NQO2: variants seen among roughly 807,000 people sequenced by gnomAD.
NQO2 encodes the protein N-ribosyldihydronicotinamide:quinone dehydrogenase 2.
A neutral mutation model predicts 22.0 loss-of-function variants in NQO2; 18 were observed. That is an observed-to-expected ratio of 0.82 (90% CI 0.56 to 1.21). NQO2 has a LOEUF of 1.21. Ranked by LOEUF, NQO2 falls within the 50% of genes most tolerant of loss-of-function variation. The pLI is 0.00. For synonymous variants in NQO2, 106 were observed against 110.8 expected, an observed-to-expected ratio of 0.96 and a Z score of 0.28; for missense variants, 267 against 286.9, an observed-to-expected ratio of 0.93 and a Z score of 0.50.
At chr6:3,001,244 T>C (rs554207830) in intron 1 of NQO2, among the ~76,000 whole-genome samples, 160 of 152,078 alleles carry the variant, frequency 1.1e-3, no homozygotes, top group African/African-American at 3.8e-3. Context: ...TGCGTGCCAC[T>C]ACACCCAGCT....
intron 3 of NQO2, 58 bp from the exon 4 acceptor site, chr6:3,012,486 T>C: frequency 6.4e-7 from 1 of 1,556,616 alleles, no homozygotes; most frequent in East Asian, 2.3e-5. Flanking sequence ...CTGGGATGGT[T>C]GGGATGGGCT....
intron 2 of NQO2, among the ~76,000 whole-genome samples, chr6:3,008,141 G>T (rs891116721): frequency 1.2e-4 from 19 of 152,250 alleles, no homozygotes; most frequent in Non-Finnish European, 2.5e-4. Context: ...TCTGGGGCCA[G>T]GTGCTGTGGC....
chr6:3,013,797 C>T (rs1176549286), intron 4 of NQO2, among the ~76,000 whole-genome samples: 1 of 152,178 alleles, frequency 6.6e-6, no homozygotes, highest in Non-Finnish European at 1.5e-5. Flanking sequence ...TGTTGGGTGA[C>T]AGAAATTCCT....
chr6:3,008,442 G>A (rs1757024259), intron 2 of NQO2, among the ~76,000 whole-genome samples: 1 of 151,318 alleles, frequency 6.6e-6, no homozygotes, highest in African/African-American at 2.4e-5. Context: ...AAGAAAAAAG[G>A]AAAGAAAAGA....
intron 3 of NQO2, among the ~76,000 whole-genome samples, chr6:3,012,169 G>T (rs1440552969): frequency 6.6e-6 from 1 of 152,222 alleles, no homozygotes; most frequent in Non-Finnish European, 1.5e-5. Context: ...ACTCAAAAAT[G>T]TGGAGGTGAG....
At chr6:3,003,321 A>C (rs1269564575) in intron 1 of NQO2, among the ~76,000 whole-genome samples, 1 of 151,288 alleles carries the variant, frequency 6.6e-6, no homozygotes, top group African/African-American at 2.5e-5. Flanking sequence ...GGCTTTGAGG[A>C]GTGACCCCCA....
rs1420842156 is a variant in NQO2, at chr6:3,003,780, A to G, written c.-85-2688A>G. 3.1e-6 allele frequency: 3 copies of G among 954,274 alleles called. No homozygotes were observed. The African/African-American group carries it at 5.8e-5, about 18-fold the overall frequency. 59.1% of individuals were successfully genotyped at this position (954,274 alleles called of 1,614,324 possible). On this transcript the variant is annotated intron_variant, in intron 1 of 6. Coordinates refer to ENST00000380455, the MANE Select transcript of NQO2 (RefSeq NM_000904.6). Reference sequence around the variant, plus strand: ...TCTCCGGTGCTGTGATGTACCTTAAACACAGCAAGGTACTTGGACACAAAG... The same window carrying G: ...TCTCCGGTGCTGTGATGTACCTTAAGCACAGCAAGGTACTTGGACACAAAG...
intron 1 of NQO2, chr6:3,004,262 C>T (rs969187277): frequency 2.2e-5 from 19 of 858,278 alleles, no homozygotes; most frequent in African/African-American, 5.6e-5. Flanking sequence ...AATTCAGGGT[C>T]TGTCCTTGGG....
intron 6 of NQO2, among the ~76,000 whole-genome samples, chr6:3,017,813 G>A (rs539093273): frequency 4.9e-4 from 75 of 152,260 alleles, no homozygotes; most frequent in African/African-American, 1.7e-3. Context: ...GGGAGAGCTC[G>A]TTCTTGAGGG....
chr6:3,012,099 T>G lies in NQO2; in HGVS notation c.173-445T>G, dbSNP rs147409565. ...CAAATCTATCAAAAACAATAATCAC[T>G]ACGTGACCTGTTAAGAGCCAAAGAT... On this transcript the variant is annotated intron_variant, in intron 3 of 6. Transcript: ENST00000380455. 2.6e-5 allele frequency among the ~76,000 whole-genome samples: 4 copies of G among 152,310 alleles called. No homozygotes were observed. The South Asian group carries it at 8.3e-4, about 32-fold the overall frequency.
chr6:3,015,579 A>T lies in NQO2; in HGVS notation c.353A>T (p.Asp118Val). 6.2e-7 allele frequency: 1 copy of T among 1,614,118 alleles called. No individual in the cohort carries two copies. Among genetic ancestry groups the T allele is most frequent in the South Asian group, 1.1e-5 (1 of 91,090 alleles). The change falls in exon 5 of 7, where the codon GAT (aspartate) becomes GTT (valine). Residue 118 changes from aspartate (D) to valine (V), a missense_variant. By Grantham distance (152) the Asp-to-Val change is radical (BLOSUM62 -3). Transcript: ENST00000380455. ...CCAGCCATCCTGAAGGGCTGGATGG[A>T]TAGGGTGCTGTGCCAGGGCTTTGCC... is the stretch of plus-strand genomic sequence containing the variant. The part of the protein sequence containing the change: ...SVPAILKGWM[D>V]RVLCQGFAFD...
chr6:3,014,363 C>T (rs1757253946), intron 4 of NQO2, among the ~76,000 whole-genome samples: 1 of 152,162 alleles, frequency 6.6e-6, no homozygotes, highest in Admixed American at 6.5e-5. Flanking sequence ...GCCTAGGTGA[C>T]CATGTGGTTT....
At chr6:3,015,070 A>G (rs760153009) in intron 4 of NQO2, 15 of 1,288,300 alleles carry the variant, frequency 1.2e-5, no homozygotes, top group Non-Finnish European at 1.5e-5. Flanking sequence ...GCGCTGGTCT[A>G]AGGAATACAA....
intron 3 of NQO2, among the ~76,000 whole-genome samples, chr6:3,010,941 G>A (rs9378353): frequency 0.77 from 116,632 of 151,290 alleles, 45,512 homozygotes; most frequent in African/African-American, 0.9. Context: ...GCAGGTGGTG[G>A]CTTAGTAGAG....
intron 6 of NQO2, among the ~76,000 whole-genome samples, chr6:3,017,346 G>C (rs1885298): frequency 2.0e-5 from 3 of 152,040 alleles, no homozygotes; most frequent in Non-Finnish European, 4.4e-5. Flanking sequence ...TGATACGTGC[G>C]GGTGGAGGCC....
At chr6:3,019,247 T>C (rs543887000) in intron 6 of NQO2, 2 of 491,544 alleles carry the variant, frequency 4.1e-6, no homozygotes, top group African/African-American at 4.2e-5. Context: ...TAATTGCAGT[T>C]ATAAAAATAG....
Position 3,019,534 on chromosome 6 carries a change from C to A in NQO2, c.575C>A (p.Ala192Asp). The A allele has an allele frequency of 6.2e-7, 1 of 1,614,198 alleles. No homozygotes were observed. Among genetic ancestry groups the A allele is most frequent in the Admixed American group, 1.7e-5 (1 of 60,012 alleles). Reference sequence around the variant, plus strand: ...GTCCTTGCCCCTCAGATCAGCTTTGCTCCTGAAATTGCATCCGAAGAAGAA... The same window carrying A: ...GTCCTTGCCCCTCAGATCAGCTTTGATCCTGAAATTGCATCCGAAGAAGAA... ...FKVLAPQISF[A>D]PEIASEEERK... The change falls in exon 7 of 7, where the codon GCT (alanine) becomes GAT (aspartate). Residue 192 changes from alanine (A) to aspartate (D), a missense_variant. By Grantham distance (126) the Ala-to-Asp change is moderately radical (BLOSUM62 -2). Transcript: ENST00000380455.
At position 3,016,895 on chromosome 6, in the gene NQO2, G is replaced by A. The variant is rs1418069780; in HGVS notation, c.429G>A (p.Ala143=). The change falls in exon 6 of 7, where the codon GCG becomes GCA. Residue 143 remains alanine, a synonymous_variant. Transcript: ENST00000380455. The stretch of plus-strand genomic sequence containing the variant: ...TTTCTCCCTTGCAGGGTAAACTAGC[G>A]CTCCTTTCCGTAACCACGGGAGGCA... The part of the protein sequence containing the change: ...YDSGLLQGKL[A]LLSVTTGGTA... 55 of 1,613,658 alleles carry A rather than the reference G, an allele frequency of 3.4e-5. No homozygotes were observed. The highest frequency in any genetic ancestry group is 4.3e-5 in the Non-Finnish European group (51 of 1,180,026).
intron 1 of NQO2, chr6:3,004,651 G>T: frequency 1.0e-6 from 1 of 985,472 alleles, no homozygotes; most frequent in Non-Finnish European, 1.2e-6. Flanking sequence ...TTCCAGTCCT[G>T]GTGGGGATAA....
Sources: gnomAD v4.1 joint callset for allele counts (sites outside exome capture counted in the v4.1 genomes callset) on GRCh38, gnomAD v4.1.1 for gene constraint, MANE v1.5 for transcripts, NCBI Gene and HGNC (gene_info 2026-07-23, HGNC 2026-07-21) for gene names.